The following ARHGEF4 variants were observed in gnomAD, a reference collection of about 807,000 sequenced individuals.
ARHGEF4 encodes the protein APC-stimulated guanine nucleotide exchange factor 1.
In ARHGEF4, 119 loss-of-function variants were observed where a neutral mutation model predicts 162.0. That is an observed-to-expected ratio of 0.73 (90% CI 0.63 to 0.86). The LOEUF is 0.86. ARHGEF4 is among the 40% of genes least tolerant of loss of function. The pLI, the probability that ARHGEF4 is intolerant of heterozygous loss-of-function variation, is 0.00. For synonymous variants in ARHGEF4, 1,014 were observed against 979.9 expected, an observed-to-expected ratio of 1.03 and a Z score of -0.65; for missense variants, 2,488 against 2,456.0, an observed-to-expected ratio of 1.01 and a Z score of -0.28.
At chr2:130,871,552 T>C (rs1678489610) in intron 1 of ARHGEF4, among the ~76,000 whole-genome samples, 1 of 147,954 alleles carries the variant, frequency 6.8e-6, no homozygotes, top group Non-Finnish European at 1.5e-5. Context: ...AATATATATA[T>C]ATACATATAT....
chr2:131,018,141 A>T (rs1032530489), intron 4 of ARHGEF4, among the ~76,000 whole-genome samples: 2 of 152,360 alleles, frequency 1.3e-5, no homozygotes, highest in Non-Finnish European at 2.9e-5. Flanking sequence ...ACATTGATCA[A>T]TGGGACAGAA....
Position 131,031,140 on chromosome 2 carries a change from T to TC in ARHGEF4, c.4125+3058dup, listed in dbSNP as rs75087315. Among the ~76,000 whole-genome samples, 4 of 152,338 alleles carry TC rather than the reference T, an allele frequency of 2.6e-5. No homozygotes were observed. The East Asian group carries it at 7.7e-4, about 29-fold the overall frequency. On this transcript the variant is annotated intron_variant, in intron 5 of 13. Coordinates refer to ENST00000409359, the MANE Select transcript of ARHGEF4 (RefSeq NM_001367493.1). ...TTTCTTATCTTTTTGAGCTCTCAGT[T>TC]CCTTGACAAGTTGTTCATTCTAAGA...
At chr2:130,874,674 C>A (rs868215402) in intron 1 of ARHGEF4, among the ~76,000 whole-genome samples, 35 of 152,230 alleles carry the variant, frequency 2.3e-4, no homozygotes, top group African/African-American at 8.2e-4. Context: ...TAGCATCTTG[C>A]AAAATTTAGC....
chr2:131,031,877 T>C (rs1689878641), intron 5 of ARHGEF4, among the ~76,000 whole-genome samples: 2 of 152,224 alleles, frequency 1.3e-5, no homozygotes. Flanking sequence ...GGACTTTTTC[T>C]GAAGCTAAAG....
chr2:130,977,341 G>T (rs543373245), intron 4 of ARHGEF4, among the ~76,000 whole-genome samples: 108 of 151,962 alleles, frequency 7.1e-4, no homozygotes, highest in African/African-American at 2.4e-3. Flanking sequence ...TAAGTATGTG[G>T]TGTGTGTAGA....
intron 1 of ARHGEF4, among the ~76,000 whole-genome samples, chr2:130,846,293 C>T (rs1188495216): frequency 1.3e-5 from 2 of 152,222 alleles, no homozygotes; most frequent in Non-Finnish European, 2.9e-5. Context: ...AACTGTCAGC[C>T]TGGGGTGACT....
chr2:130,893,306 C>T (rs1274772391), intron 1 of ARHGEF4, among the ~76,000 whole-genome samples: 3 of 152,216 alleles, frequency 2.0e-5, no homozygotes, highest in Admixed American at 6.5e-5. Flanking sequence ...AACTGTGTTA[C>T]TCTCTGCCTC....
At chr2:130,959,066 C>T (rs548435169) in intron 4 of ARHGEF4, among the ~76,000 whole-genome samples, 30 of 152,004 alleles carry the variant, frequency 2.0e-4, no homozygotes, top group African/African-American at 6.8e-4. Flanking sequence ...CTCAGCCTCC[C>T]GAGTAGCTGG....
Position 131,044,377 on chromosome 2 carries a change from G to T in ARHGEF4, c.5236G>T (p.Gly1746Trp). 1 of 1,596,366 alleles carries T rather than the reference G, an allele frequency of 6.3e-7. No homozygotes were observed. The highest frequency in any genetic ancestry group is 8.5e-7 in the Non-Finnish European group (1 of 1,171,722). ...DGLEVVDLED[G>W]KDRDLHVSIK... ...CCTGGAGGTGGTGGACCTGGAGGAC[G>T]GGAAGGACAGAGACCTCCATGTGAG... Residue 1746 changes from glycine to tryptophan, a missense_variant, in exon 12 of 14, where the codon GGG (glycine) becomes TGG (tryptophan). Gly to Trp is a radical substitution (Grantham distance 184). Coordinates refer to ENST00000409359, the MANE Select transcript of ARHGEF4 (RefSeq NM_001367493.1).
intron 4 of ARHGEF4, among the ~76,000 whole-genome samples, chr2:131,005,633 G>A (rs533637893): frequency 1.1e-4 from 16 of 152,198 alleles, no homozygotes; most frequent in Middle Eastern, 3.4e-3. Flanking sequence ...GCTTGGCCAC[G>A]TACCCCGCAG....
chr2:130,843,140 C>T (rs1009173097), intron 1 of ARHGEF4, among the ~76,000 whole-genome samples: 1 of 152,162 alleles, frequency 6.6e-6, no homozygotes, highest in African/African-American at 2.4e-5. Context: ...TTGGGATCTC[C>T]TCCTCTCCCC....
At chr2:131,019,942 A>C (rs2105350405) in intron 4 of ARHGEF4, among the ~76,000 whole-genome samples, 1 of 152,276 alleles carries the variant, frequency 6.6e-6, no homozygotes, top group South Asian at 2.1e-4. Context: ...CCAGTATTTT[A>C]TTCTTTTTAA....
intron 2 of ARHGEF4, among the ~76,000 whole-genome samples, chr2:130,925,327 G>C (rs1242202077): frequency 6.6e-6 from 1 of 152,000 alleles, no homozygotes; most frequent in East Asian, 1.9e-4. Context: ...CACAGAAATA[G>C]ACCCACACAA....
intron 1 of ARHGEF4, among the ~76,000 whole-genome samples, chr2:130,851,590 C>T (rs1445736223): frequency 2.0e-5 from 3 of 152,170 alleles, no homozygotes; most frequent in African/African-American, 7.2e-5. Context: ...AGTGGACGGG[C>T]TGGGGGGGCT....
At chr2:130,849,937 A>G (rs1681283720) in intron 1 of ARHGEF4, among the ~76,000 whole-genome samples, 2 of 152,226 alleles carry the variant, frequency 1.3e-5, no homozygotes, top group South Asian at 4.1e-4. Context: ...GTGTACATTT[A>G]ACATAGTGAT....
chr2:130,839,720 C>G (rs1217653148), intron 1 of ARHGEF4, among the ~76,000 whole-genome samples: 2 of 152,178 alleles, frequency 1.3e-5, no homozygotes, highest in African/African-American at 2.4e-5. Flanking sequence ...CAGAGGCCCT[C>G]CCAGCATCGT....
intron 1 of ARHGEF4, among the ~76,000 whole-genome samples, chr2:130,887,510 T>C (rs1679593019): frequency 6.6e-6 from 1 of 152,082 alleles, no homozygotes; most frequent in Non-Finnish European, 1.5e-5. Flanking sequence ...TAAACCCTTT[T>C]ATTAGTGTCT....
chr2:131,043,977 A>G (rs548111756), intron 11 of ARHGEF4, among the ~76,000 whole-genome samples: 1 of 152,194 alleles, frequency 6.6e-6, no homozygotes, highest in South Asian at 2.1e-4. Flanking sequence ...CAGTGGCCTC[A>G]TGTCCATGAA....
chr2:130,856,015 G>A (rs540226920), intron 1 of ARHGEF4, among the ~76,000 whole-genome samples: 20 of 152,254 alleles, frequency 1.3e-4, no homozygotes, highest in Admixed American at 5.9e-4. Flanking sequence ...GGCAGAAAGC[G>A]AGCCATAGAA....
Sources: gnomAD v4.1 joint callset for allele counts (sites outside exome capture counted in the v4.1 genomes callset) on GRCh38, gnomAD v4.1.1 for gene constraint, MANE v1.5 for transcripts, NCBI Gene and HGNC (gene_info 2026-07-23, HGNC 2026-07-21) for gene names.